Variants in NHSL1 observed in about 807,000 individuals in gnomAD.
NHSL1 encodes the protein NHS like 1.
NHSL1 carries 48 observed loss-of-function variants against 95.0 expected under a neutral mutation model. The ratio of observed to expected loss-of-function variants is 0.51; its 90% CI spans 0.40 to 0.64. The LOEUF is 0.64. NHSL1 is among the 30% of genes least tolerant of loss of function. NHSL1 has a pLI of 0.00. For synonymous variants in NHSL1, 783 were observed against 833.9 expected (o/e 0.94, Z 1.05); for missense variants, 1,971 against 2,077.7 (o/e 0.95, Z 1.00).
chr6:138,628,435 C>T (rs539058357), intron 1 of NHSL1, among the ~76,000 whole-genome samples: 7 of 152,176 alleles, frequency 4.6e-5, no homozygotes, highest in South Asian at 2.1e-4. Context: ...GCATTACAAA[C>T]GGCAAGGCAA....
intron 3 of NHSL1, chr6:138,470,477 G>A (rs1040094492): frequency 6.6e-6 from 1 of 152,250 alleles, no homozygotes; most frequent in African/African-American, 2.4e-5. Context: ...TTTCTGTAGA[G>A]ACAAGGTCTT....
At chr6:138,589,218 T>TG (rs2114517445) in intron 1 of NHSL1, among the ~76,000 whole-genome samples, 1 of 152,324 alleles carries the variant, frequency 6.6e-6, no homozygotes, top group African/African-American at 2.4e-5. Flanking sequence ...AAGTGTATCC[T>TG]GTGCGTTCAT....
intron 1 of NHSL1, among the ~76,000 whole-genome samples, chr6:138,658,624 A>G (rs1785187493): frequency 6.6e-6 from 1 of 152,192 alleles, no homozygotes; most frequent in African/African-American, 2.4e-5. Context: ...ATATCTTGGT[A>G]TTGCAAATAA....
At chr6:138,449,782 G>T (rs115390738) in intron 3 of NHSL1, among the ~76,000 whole-genome samples, 1 of 151,634 alleles carries the variant, frequency 6.6e-6, no homozygotes, top group Non-Finnish European at 1.5e-5. Flanking sequence ...TCTTTTACAA[G>T]GAGACTAACA....
chr6:138,567,378 T>G (rs374521080), intron 1 of NHSL1, among the ~76,000 whole-genome samples: 14 of 152,246 alleles, frequency 9.2e-5, no homozygotes, highest in Admixed American at 2.6e-4. Flanking sequence ...TTATGCCCAC[T>G]TCGGCCTCCG....
chr6:138,539,246 G>A (rs533883239), intron 1 of NHSL1, among the ~76,000 whole-genome samples: 21 of 152,142 alleles, frequency 1.4e-4, no homozygotes, highest in South Asian at 4.2e-4. Context: ...CTTCCACCCC[G>A]CATCCCCAAT....
In NHSL1 at chr6:138,423,682, G is replaced by A. The variant is rs1282191003; in HGVS notation, c.*399C>T. ...CTGAAAGCAATTACCGCCTAGACCA[G>A]AGGACTCCGTTACTCTACCAAGCTT... On this transcript the variant is annotated 3_prime_UTR_variant, in exon 8 of 8. Coordinates refer to ENST00000343505, the MANE Select transcript of NHSL1 (RefSeq NM_001144060.2). 6.2e-6 allele frequency: 1 copy of A among 162,488 alleles called. No individual in the cohort carries two copies. Among genetic ancestry groups the A allele is most frequent in the African/African-American group, 2.4e-5 (1 of 41,812 alleles). The allele number at this position is 162,488 out of a possible 1,614,324, so 10.1% of individuals were successfully genotyped here. A position where few individuals can be genotyped will look rare whatever the true frequency, so the allele number is the denominator to read the frequency against.
intron 5 of NHSL1, among the ~76,000 whole-genome samples, chr6:138,439,732 G>A (rs1438173902): frequency 6.6e-6 from 1 of 152,014 alleles, no homozygotes; most frequent in South Asian, 2.1e-4. Flanking sequence ...TCATGTCATC[G>A]ACCGTAATGA....
intron 2 of NHSL1, among the ~76,000 whole-genome samples, chr6:138,475,597 T>C (rs766028072): frequency 1.3e-5 from 2 of 152,140 alleles, no homozygotes; most frequent in Non-Finnish European, 2.9e-5. Context: ...TTAGATTTTC[T>C]TTAAATAGCC....
chr6:138,423,981 G>C lies in NHSL1; in HGVS notation c.*100C>G. On this transcript the variant is annotated 3_prime_UTR_variant, in exon 8 of 8. Transcript: ENST00000343505. ...GGGCCCACAGCACAGAAGCAGAGTG[G>C]GCTCCCCGGGTGAGCCAGGGAAGGG... The C allele has an allele frequency of 8.3e-7, 1 of 1,206,362 alleles. No homozygotes were observed. The highest frequency in any genetic ancestry group is 1.1e-6 in the Non-Finnish European group (1 of 951,024). 74.7% of individuals were successfully genotyped at this position (1,206,362 alleles called of 1,614,324 possible). A position where few individuals can be genotyped will look rare whatever the true frequency, so the allele number is the denominator to read the frequency against.
At chr6:138,615,670 C>A (rs55956024) in intron 1 of NHSL1, among the ~76,000 whole-genome samples, 66,121 of 152,082 alleles carry the variant, frequency 0.43, 16,473 homozygotes, top group African/African-American at 0.69. Context: ...CGGGGGTGTC[C>A]CCGTGTTAGC....
At chr6:138,585,850 C>G (rs113227144) in intron 1 of NHSL1, among the ~76,000 whole-genome samples, 1 of 147,716 alleles carries the variant, frequency 6.8e-6, no homozygotes, top group Non-Finnish European at 1.5e-5. Flanking sequence ...AGCTCAAGAC[C>G]AGGGAAACAC....
chr6:138,614,447 A>G (rs1784552934), intron 1 of NHSL1, among the ~76,000 whole-genome samples: 1 of 152,194 alleles, frequency 6.6e-6, no homozygotes, highest in African/African-American at 2.4e-5. Context: ...CACAAGTGTT[A>G]ATCACTGGTG....
chr6:138,426,522 C>G (rs1269463906), intron 7 of NHSL1, among the ~76,000 whole-genome samples: 1 of 152,232 alleles, frequency 6.6e-6, no homozygotes, highest in African/African-American at 2.4e-5. Flanking sequence ...TTTGTCAGTA[C>G]TCATGAATGC....
intron 1 of NHSL1, among the ~76,000 whole-genome samples, chr6:138,622,476 ACT>A (rs1784678582): frequency 6.6e-6 from 1 of 152,054 alleles, no homozygotes; most frequent in Non-Finnish European, 1.5e-5. Context: ...ACAGAGCAAG[ACT>A]CTGTCTCAAA....
chr6:138,658,905 C>A (rs1785190016), intron 1 of NHSL1, among the ~76,000 whole-genome samples: 1 of 152,054 alleles, frequency 6.6e-6, no homozygotes. Context: ...TTCCCCCATA[C>A]CTATTATGTC....
Position 138,424,520 on chromosome 6 carries a change from G to C in NHSL1, c.4382C>G (p.Pro1461Arg), listed in dbSNP as rs981301232. 1.5e-5 allele frequency: 24 copies of C among 1,551,668 alleles called. No homozygotes were observed. Among genetic ancestry groups the C allele is most frequent in the Non-Finnish European group, 2.0e-5 (23 of 1,146,980 alleles). ...RSRSEPSPDAPESPSSCSPSK... is the reference protein window; with the variant it reads ...RSRSEPSPDARESPSSCSPSK... ...TGGGGAGCAGCTTGACGGGCTCTCG[G>C]GGGCATCTGGGGAAGGCTCTGACCT... The change falls in exon 8 of 8, where the codon CCC becomes CGC. Residue 1461 changes from proline to arginine, a missense_variant. This residue lies in a region of NHSL1 where 223 missense variants were observed against 217.0 expected (regional missense o/e 1.03). Coordinates refer to ENST00000343505, the MANE Select transcript of NHSL1 (RefSeq NM_001144060.2). This position sits in a 1 kb window ranked among gnomAD's most constrained non-coding sequence, Gnocchi z 5.9.
intron 2 of NHSL1, among the ~76,000 whole-genome samples, chr6:138,481,860 C>T (rs1469729373): frequency 6.6e-6 from 1 of 152,194 alleles, no homozygotes. Context: ...AAGACCACTT[C>T]TTCACCAATT....
In NHSL1 at chr6:138,692,136, C is replaced by A. The variant is rs1050523289; in HGVS notation, c.96+340G>T. On this transcript the variant is annotated intron_variant, in intron 1 of 3. Coordinates refer to the NHSL1 transcript ENST00000491526. The surrounding 1 kb of genome is among the most constrained non-coding windows in gnomAD (Gnocchi z 4.0). ...CTACCTGCCTGTGACAGTTTTCCCA[C>A]GAACTTGGCTCTCCTCTGTCTACAG... 3.8e-5 allele frequency: 17 copies of A among 445,990 alleles called. No homozygotes were observed. The highest frequency in any genetic ancestry group is 9.5e-5 in the African/African-American group (4 of 42,156). 27.6% of individuals were successfully genotyped at this position (445,990 alleles called of 1,614,324 possible). A position where few individuals can be genotyped will look rare whatever the true frequency, so the allele number is the denominator to read the frequency against.
Sources: allele counts gnomAD v4.1 joint callset (sites outside exome capture counted in the v4.1 genomes callset), GRCh38; gene constraint gnomAD v4.1.1; regional missense constraint gnomAD v4.1.1; non-coding constraint Gnocchi (gnomAD v3.1); transcripts MANE v1.5; gene names NCBI Gene and HGNC (gene_info 2026-07-23, HGNC 2026-07-21).